Variants in SERPINB7 observed in about 807,000 individuals in gnomAD.
The protein encoded by SERPINB7 is serpin family B member 7.
In SERPINB7, 31 loss-of-function variants were observed where a neutral mutation model predicts 37.4. The ratio of observed to expected loss-of-function variants is 0.83; its 90% CI spans 0.62 to 1.12. The LOEUF (loss-of-function observed/expected upper bound fraction) is 1.12, where lower values mean the gene tolerates loss of function less well. Ranked by LOEUF, SERPINB7 falls within the 50% of genes most tolerant of loss-of-function variation. The probability of loss-of-function intolerance (pLI) is 0.00; values close to 1 mark genes in which losing one functional copy is unlikely to be tolerated. For missense variants in SERPINB7, 521 were observed against 455.3 expected (o/e 1.14, Z -1.31); for synonymous variants, 163 against 166.1 (o/e 0.98, Z 0.14).
At chr18:63,783,247 A>AAAGAAAGAAAG in intron 2 of SERPINB7, among the ~76,000 whole-genome samples, 1 of 142,044 alleles carries the variant, frequency 7.0e-6, no homozygotes, top group African/African-American at 2.6e-5. Flanking sequence ...AGAAAGAAAG[A>AAAGAAAGAAAG]AAGAAAGAAA....
chr18:63,762,080 G>C (rs1202276699), intron 1 of SERPINB7, among the ~76,000 whole-genome samples: 1 of 152,164 alleles, frequency 6.6e-6, no homozygotes, highest in East Asian at 1.9e-4. Flanking sequence ...CCTCGTAATT[G>C]CTTGTGAGTT....
chr18:63,788,387 T>C (rs986146224), intron 2 of SERPINB7, among the ~76,000 whole-genome samples: 7 of 152,308 alleles, frequency 4.6e-5, no homozygotes, highest in Admixed American at 3.9e-4. Context: ...ATACAGCTCA[T>C]AGGATAAGAA....
In SERPINB7 at chr18:63,796,262, A is replaced by AC. The variant is rs2049486681; in HGVS notation, c.337-4_337-3insC. On this transcript the variant is annotated splice_region_variant and splice_polypyrimidine_tract_variant and intron_variant, in intron 4 of 7. Transcript: ENST00000398019. ...AAATACGAGAACTATATTCTTCTTT[A>AC]TAGGACTACATTGAGTGTGCCGAAA... is the stretch of plus-strand genomic sequence containing the variant. The AC allele has an allele frequency of 6.5e-7, 1 of 1,527,098 alleles. No homozygotes were observed. The highest frequency in any genetic ancestry group is 1.4e-5 in the African/African-American group (1 of 73,038). 94.6% of individuals were successfully genotyped at this position (1,527,098 alleles called of 1,614,324 possible). A position where few individuals can be genotyped will look rare whatever the true frequency, so the allele number is the denominator to read the frequency against.
chr18:63,801,373 G>A (rs2049547519), intron 7 of SERPINB7, among the ~76,000 whole-genome samples: 1 of 152,146 alleles, frequency 6.6e-6, no homozygotes, highest in African/African-American at 2.4e-5. Flanking sequence ...CTTTAGGCAG[G>A]TATGATATGA....
intron 7 of SERPINB7, among the ~76,000 whole-genome samples, chr18:63,802,264 G>A (rs2049557847): frequency 6.6e-6 from 1 of 152,080 alleles, no homozygotes; most frequent in South Asian, 2.1e-4. Context: ...GAGACGGTGG[G>A]GGCCGTGCAA....
chr18:63,758,466 G>A (rs1105579), intron 1 of SERPINB7, among the ~76,000 whole-genome samples: 4,665 of 152,176 alleles, frequency 0.031, 105 homozygotes, highest in African/African-American at 0.059. Flanking sequence ...TCTCTGATTC[G>A]CTGAAGCACT....
At chr18:63,786,056 T>C (rs1165821270) in intron 2 of SERPINB7, among the ~76,000 whole-genome samples, 1 of 90,034 alleles carries the variant, frequency 1.1e-5, no homozygotes, top group Non-Finnish European at 2.6e-5. Context: ...ATAATATATG[T>C]ATATATAATA....
At position 63,798,528 on chromosome 18, in the gene SERPINB7, C is replaced by A. The variant is rs904649200; in HGVS notation, c.455-76C>A. The A allele has an allele frequency of 9.3e-6, 11 of 1,178,508 alleles. No homozygotes were observed. The East Asian group carries it at 2.1e-4, about 23-fold the overall frequency. 73.0% of individuals were successfully genotyped at this position (1,178,508 alleles called of 1,614,324 possible). Reference sequence around the variant, plus strand: ...ATGTGTTAAGAAAAAAACTTCATACCAATTAATGGTCTTTTTAAATCATTT... The same window carrying A: ...ATGTGTTAAGAAAAAAACTTCATACAAATTAATGGTCTTTTTAAATCATTT... On this transcript the variant is annotated intron_variant, in intron 5 of 7. Coordinates refer to ENST00000398019, the MANE Select transcript of SERPINB7 (RefSeq NM_003784.4).
rs1720857 is a variant in SERPINB7, at chr18:63,798,790, C to T, written c.597+44C>T. The T allele has an allele frequency of 0.08, 126,438 of 1,588,078 alleles. 9,051 individuals are homozygous for T. Among genetic ancestry groups the T allele is most frequent in the East Asian group, 0.38 (17,090 of 44,542 alleles). ...ATTTAATTTAGAACTTTTCCACAAT[C>T]GTATTCCTTTGCAGGACTGTGATAG... On this transcript the variant is annotated intron_variant, in intron 6 of 7. Coordinates refer to ENST00000398019, the MANE Select transcript of SERPINB7 (RefSeq NM_003784.4).
At chr18:63,779,024 G>T (rs1436914257) in intron 1 of SERPINB7, among the ~76,000 whole-genome samples, 1 of 152,086 alleles carries the variant, frequency 6.6e-6, no homozygotes, top group Non-Finnish European at 1.5e-5. Context: ...GATTTGAAAA[G>T]AACTTTCCTG....
intron 2 of SERPINB7, among the ~76,000 whole-genome samples, chr18:63,783,906 C>T (rs2049338729): frequency 6.6e-6 from 1 of 152,058 alleles, no homozygotes; most frequent in Non-Finnish European, 1.5e-5. Flanking sequence ...TAGAATAATT[C>T]CTTCCTTTAT....
intron 2 of SERPINB7, among the ~76,000 whole-genome samples, chr18:63,783,231 AG>A (rs1410366849): frequency 5.0e-3 from 355 of 70,952 alleles, no homozygotes; most frequent in Middle Eastern, 7.6e-3. Flanking sequence ...AGAGAGAGAG[AG>A]AGAAAGAAAG....
chr18:63,753,399 T>A (rs2049103223), intron 1 of SERPINB7, among the ~76,000 whole-genome samples: 1 of 152,014 alleles, frequency 6.6e-6, no homozygotes, highest in African/African-American at 2.4e-5. Flanking sequence ...ACATATTTAA[T>A]AGAGAAAATT....
chr18:63,799,097 A>G (rs1016397850), intron 6 of SERPINB7, among the ~76,000 whole-genome samples: 1 of 152,236 alleles, frequency 6.6e-6, no homozygotes. Context: ...CATGAGGTCT[A>G]TACTTAAAAT....
chr18:63,768,026 C>T (rs1350994957), intron 1 of SERPINB7, among the ~76,000 whole-genome samples: 2 of 151,896 alleles, frequency 1.3e-5, no homozygotes, highest in Non-Finnish European at 2.9e-5. Flanking sequence ...GGTCTCTTCC[C>T]TTCCTGATAT....
intron 1 of SERPINB7, among the ~76,000 whole-genome samples, chr18:63,780,212 C>T (rs1035761391): frequency 2.6e-5 from 4 of 152,068 alleles, no homozygotes; most frequent in Admixed American, 6.5e-5. Flanking sequence ...GTCTGATTTT[C>T]GGCAACCAGC....
At chr18:63,765,027 A>G (rs1261999406) in intron 1 of SERPINB7, among the ~76,000 whole-genome samples, 1 of 152,164 alleles carries the variant, frequency 6.6e-6, no homozygotes, top group Non-Finnish European at 1.5e-5. Flanking sequence ...AAGACCATAA[A>G]CAAATTGCAG....
intron 6 of SERPINB7, among the ~76,000 whole-genome samples, chr18:63,799,070 T>C (rs554607139): frequency 6.6e-6 from 1 of 152,322 alleles, no homozygotes; most frequent in South Asian, 2.1e-4. Context: ...GTATTTTTCA[T>C]TTTTCATTTT....
intron 2 of SERPINB7, among the ~76,000 whole-genome samples, chr18:63,786,121 A>G (rs2049367104): frequency 7.5e-6 from 1 of 133,730 alleles, no homozygotes; most frequent in South Asian, 2.4e-4. Flanking sequence ...ATATATGTAT[A>G]TATATACGTA....
Sources: allele counts gnomAD v4.1 joint callset (sites outside exome capture counted in the v4.1 genomes callset), GRCh38; gene constraint gnomAD v4.1.1; transcripts MANE v1.5; gene names NCBI Gene and HGNC (gene_info 2026-07-23, HGNC 2026-07-21).